WIPF2: variants seen among roughly 807,000 people sequenced by gnomAD.
The protein encoded by WIPF2 is WAS/WASL-interacting protein family member 2.
Under a neutral mutation model 38.8 loss-of-function variants are expected in WIPF2, and 23 were observed. The observed-to-expected ratio is 0.59, with a 90% CI of 0.43 to 0.84. WIPF2 has a LOEUF of 0.84. WIPF2 is among the 40% of genes least tolerant of loss of function. The probability of loss-of-function intolerance (pLI) is 0.00; values close to 1 mark genes in which losing one functional copy is unlikely to be tolerated. For synonymous variants in WIPF2, 210 were observed against 223.2 expected, an observed-to-expected ratio of 0.94 and a Z score of 0.53; for missense variants, 574 against 580.5, an observed-to-expected ratio of 0.99 and a Z score of 0.11.
At chr17:40,273,487 G>A (rs892784641) in intron 5 of WIPF2, 32 of 350,902 alleles carry the variant, frequency 9.1e-5, no homozygotes, top group Non-Finnish European at 1.6e-4. Context: ...TTGCAGTAGA[G>A]AACAGGCTAA....
intron 1 of WIPF2, among the ~76,000 whole-genome samples, chr17:40,226,452 C>T (rs891404042): frequency 2.6e-5 from 4 of 151,242 alleles, no homozygotes; most frequent in Admixed American, 6.6e-5. Flanking sequence ...CCTGACCTCG[C>T]GATCCGCCCA....
At chr17:40,272,299 G>A (rs1053041213) in intron 5 of WIPF2, among the ~76,000 whole-genome samples, 1 of 152,096 alleles carries the variant, frequency 6.6e-6, no homozygotes, top group Admixed American at 6.6e-5. Context: ...GATTACAGGC[G>A]TGAGCCACCG....
chr17:40,263,666 C>G (rs1403929209), intron 4 of WIPF2, among the ~76,000 whole-genome samples: 7 of 151,198 alleles, frequency 4.6e-5, no homozygotes, highest in Non-Finnish European at 1.0e-4. Flanking sequence ...CCTCAGCCTC[C>G]CAAGTAGCTG....
At chr17:40,222,462 C>G (rs535597427) in intron 1 of WIPF2, among the ~76,000 whole-genome samples, 1 of 150,806 alleles carries the variant, frequency 6.6e-6, no homozygotes, top group African/African-American at 2.4e-5. Context: ...GAGCTGAGAT[C>G]GCGCCATTGC....
intron 1 of WIPF2, among the ~76,000 whole-genome samples, chr17:40,249,094 A>G (rs925554936): frequency 6.6e-6 from 1 of 152,186 alleles, no homozygotes; most frequent in Non-Finnish European, 1.5e-5. Flanking sequence ...AAAGGAAAGT[A>G]CTGTTACCTG....
chr17:40,266,588 CTCTT>C (rs2032094844), intron 5 of WIPF2, among the ~76,000 whole-genome samples: 1 of 152,122 alleles, frequency 6.6e-6, no homozygotes, highest in South Asian at 2.1e-4. Context: ...ATATAGAAAT[CTCTT>C]AAAGAGTTCG....
chr17:40,239,691 CTTTTTTT>C (rs748169841), intron 1 of WIPF2, among the ~76,000 whole-genome samples: 142 of 107,160 alleles, frequency 1.3e-3, no homozygotes, highest in African/African-American at 4.5e-3. Flanking sequence ...TTCAGCTTTT[CTTTTTTT>C]TTTTTTTTTT....
rs1567705868 is a variant in WIPF2, at chr17:40,220,608, TATATATATATGTATATATATATA to T, written c.-70+1117_-70+1139del. The stretch of plus-strand genomic sequence containing the variant: ...ATATATATATATATATATATATATA[TATATATATATGTATATATATATA>T]TTTTTTTGTTGTTGTTGTTGGAGAC... On this transcript the variant is annotated intron_variant, in intron 1 of 7. Transcript: ENST00000323571. The T allele has an allele frequency of 7.6e-4, 95 of 125,008 alleles. 1 individual carries two copies. Among genetic ancestry groups the T allele is most frequent in the African/African-American group, 3.0e-3 (92 of 31,118 alleles). 7.7% of individuals were successfully genotyped at this position (125,008 alleles called of 1,614,324 possible). A position where few individuals can be genotyped will look rare whatever the true frequency, so the allele number is the denominator to read the frequency against.
chr17:40,238,408 A>G (rs534483128), intron 1 of WIPF2, among the ~76,000 whole-genome samples: 79 of 151,872 alleles, frequency 5.2e-4, no homozygotes, highest in African/African-American at 1.7e-3. Flanking sequence ...AGTTCAAGCA[A>G]TTCTCCTGTC....
intron 5 of WIPF2, among the ~76,000 whole-genome samples, chr17:40,266,232 C>A (rs2032081854): frequency 1.6e-5 from 2 of 126,386 alleles, no homozygotes; most frequent in African/African-American, 3.1e-5. Flanking sequence ...AGTGACAGTC[C>A]ATCTCAAAAA....
At chr17:40,264,394 C>T in intron 4 of WIPF2, 96 bp from the exon 5 acceptor site, 1 of 883,948 alleles carries the variant, frequency 1.1e-6, no homozygotes, top group East Asian at 2.6e-5. Context: ...CCTTTCCCTG[C>T]TGCCATGCAG....
intron 6 of WIPF2, 26 bp from the exon 7 acceptor site, chr17:40,277,057 G>A: frequency 2.5e-6 from 4 of 1,582,278 alleles, no homozygotes; most frequent in Non-Finnish European, 3.5e-6. Context: ...AGGATGATAG[G>A]AATTAATGTT....
chr17:40,220,605 A>ATG (rs1311099558), intron 1 of WIPF2: 4 of 116,320 alleles, frequency 3.4e-5, no homozygotes, highest in African/African-American at 1.5e-4. Context: ...ATATATATAT[A>ATG]TATATATATA....
Position 40,273,879 on chromosome 17 carries a change from C to T in WIPF2, c.1060C>T (p.Pro354Ser), listed in dbSNP as rs757243228. 1.3e-6 allele frequency: 2 copies of T among 1,575,734 alleles called. No homozygotes were observed. ...PPYRMHGSEP[P>S]SRGKPPPPPS... is the part of the protein sequence containing the mutation. ...ATACCGAATGCATGGGTCAGAACCC[C>T]CGAGCCGAGGAAAGCCCCCACCTCC... Residue 354 changes from proline (P) to serine (S), a missense_variant, in exon 6 of 8, where the codon CCG (proline) becomes TCG (serine). By Grantham distance (74) the Pro-to-Ser change is moderately conservative. Coordinates refer to ENST00000323571, the MANE Select transcript of WIPF2 (RefSeq NM_133264.5).
At position 40,241,840 on chromosome 17, in the gene WIPF2, G is replaced by A. The variant is rs192587889; in HGVS notation, c.-69-14551G>A. ...GATTCCTACGCCTAGAAAAGAAAAA[G>A]GGTTGTATCTTTTGCTGCCAGTCTG... is the stretch of plus-strand genomic sequence containing the variant. On this transcript the variant is annotated intron_variant, in intron 1 of 7. Coordinates refer to ENST00000323571, the MANE Select transcript of WIPF2 (RefSeq NM_133264.5). 9.0e-3 allele frequency among the ~76,000 whole-genome samples: 1,366 copies of A among 152,206 alleles called. 8 individuals are homozygous for A. The highest frequency in any genetic ancestry group is 0.021 in the Middle Eastern group (6 of 292).
chr17:40,260,600 C>A lies in WIPF2; in HGVS notation c.129C>A (p.Asp43Glu). The A allele has an allele frequency of 1.9e-6, 3 of 1,613,914 alleles. No homozygotes were observed. The highest frequency in any genetic ancestry group is 2.2e-5 in the South Asian group (2 of 91,062). Residue 43 changes from aspartate (D) to glutamate (E), a missense_variant, in exon 3 of 8, where the codon GAC (aspartate) becomes GAA (glutamate). Asp to Glu is a conservative substitution (Grantham distance 45). Coordinates refer to ENST00000323571, the MANE Select transcript of WIPF2 (RefSeq NM_133264.5). ...GGGGTCGAGGCGCCCTCTTACAGGA[C>A]ATTTGCAAAGGGACCAAGCTGAAGA... The part of the protein sequence containing the change: ...EQRGRGALLQ[D>E]ICKGTKLKKV...
rs1230526015 is a variant in WIPF2 at position 40,278,492 on chromosome 17, G to C, written c.*267G>C. ...GCCCTGCTAGCCACATGAGGAACAA[G>C]TTTCCGTGTCTTCTGCCTTCCTCTT... On this transcript the variant is annotated 3_prime_UTR_variant, in exon 8 of 8. Coordinates refer to ENST00000323571, the MANE Select transcript of WIPF2 (RefSeq NM_133264.5). 6.3e-6 allele frequency: 3 copies of C among 478,814 alleles called. No individual in the cohort carries two copies. Among genetic ancestry groups the C allele is most frequent in the Non-Finnish European group, 1.1e-5 (3 of 267,224 alleles). 29.7% of individuals were successfully genotyped at this position (478,814 alleles called of 1,614,324 possible).
chr17:40,253,717 G>T (rs1359755779), intron 1 of WIPF2, among the ~76,000 whole-genome samples: 1 of 152,186 alleles, frequency 6.6e-6, no homozygotes, highest in Non-Finnish European at 1.5e-5. Flanking sequence ...CACTTAGCCT[G>T]AGGACTGTCC....
chr17:40,233,228 C>T (rs571807353), intron 1 of WIPF2, among the ~76,000 whole-genome samples: 3 of 152,194 alleles, frequency 2.0e-5, no homozygotes, highest in South Asian at 4.1e-4. Context: ...CCAGATCCAA[C>T]GTTGACCTTA....
Sources: gnomAD v4.1 joint callset for allele counts (sites outside exome capture counted in the v4.1 genomes callset) on GRCh38, gnomAD v4.1.1 for gene constraint, MANE v1.5 for transcripts, NCBI Gene and HGNC (gene_info 2026-07-23, HGNC 2026-07-21) for gene names.